Variants in HPS3 observed in about 807,000 individuals in gnomAD.
HPS3 encodes HPS3 biogenesis of lysosomal organelles complex 2 subunit 1.
Under a neutral mutation model 110.9 loss-of-function variants are expected in HPS3, and 79 were observed. That is an observed-to-expected ratio of 0.71 (90% CI 0.59 to 0.86). The LOEUF is 0.86. HPS3 is among the 40% of genes least tolerant of loss of function. The probability of loss-of-function intolerance (pLI) is 0.00; values close to 1 mark genes in which losing one functional copy is unlikely to be tolerated. For synonymous variants in HPS3, 428 were observed against 451.0 expected (o/e 0.95, Z 0.65); for missense variants, 1,197 against 1,206.2 (o/e 0.99, Z 0.11).
In HPS3 at chr3:149,167,142, C is replaced by T. The variant is rs751160941; in HGVS notation, c.2698C>T (p.Arg900Cys). 1.7e-5 allele frequency: 27 copies of T among 1,613,696 alleles called. No homozygotes were observed. The highest frequency in any genetic ancestry group is 4.5e-5 in the East Asian group (2 of 44,888). ...GLSVHVLCRT[R>C]LKEYEQCIDI... ...CAGTGTCCATGTTCTGTGTCGTACACGCTTGAAAGAGTATGAACAGTGCAT... is the reference window on the plus strand; with the variant it reads ...CAGTGTCCATGTTCTGTGTCGTACATGCTTGAAAGAGTATGAACAGTGCAT... Residue 900 changes from arginine (R) to cysteine (C), a missense_variant, in exon 15 of 17, where the codon CGC becomes TGC. Coordinates refer to ENST00000296051, the MANE Select transcript of HPS3 (RefSeq NM_032383.5).
At chr3:149,137,897 G>A (rs146617476) in intron 1 of HPS3, among the ~76,000 whole-genome samples, 12 of 152,246 alleles carry the variant, frequency 7.9e-5, no homozygotes, top group African/African-American at 2.6e-4. Flanking sequence ...TGGTAGTGAT[G>A]GTTGCATAGC....
rs1722735205 is a variant in HPS3 at position 149,145,449 on chromosome 3, A to G, written c.1066A>G (p.Met356Val). The change falls in exon 5 of 17, where the codon ATG (methionine) becomes GTG (valine). Residue 356 changes from methionine to valine, a missense_variant. Physicochemically the swap from Met to Val is conservative, Grantham distance 21 (BLOSUM62 1). Transcript: ENST00000296051. ...FSLPHVGYLY[M>V]VVKSVELMSV... ...CTTACCTCATGTGGGCTATCTCTAC[A>G]TGGTTGTCAAATCTGTTGAATTGAT... 3 of 1,613,996 alleles carry G rather than the reference A, an allele frequency of 1.9e-6. No homozygotes were observed. Among genetic ancestry groups the G allele is most frequent in the Non-Finnish European group, 2.5e-6 (3 of 1,179,920 alleles).
At position 149,162,855 on chromosome 3, in the gene HPS3, C is replaced by G; in HGVS notation, c.2458C>G (p.Pro820Ala). The G allele has an allele frequency of 6.2e-7, 1 of 1,613,732 alleles. No homozygotes were observed. The highest frequency in any genetic ancestry group is 8.5e-7 in the Non-Finnish European group (1 of 1,179,714). The change falls in exon 13 of 17, where the codon CCA (proline) becomes GCA (alanine). Residue 820 changes from proline to alanine, a missense_variant. Physicochemically the swap from Pro to Ala is conservative, Grantham distance 27. Transcript: ENST00000296051. ...LSKRQPPDTT[P>A]LRTSEDLINA... ...TAAGAGGCAGCCTCCTGACACCACA[C>G]CATTGCGAACATCGGAGGATCTGGT...
At chr3:149,141,213 T>TTTTTTTA in intron 3 of HPS3, 25 bp downstream of exon 3, 3 of 1,591,358 alleles carry the variant, frequency 1.9e-6, no homozygotes, top group Admixed American at 1.7e-5. Flanking sequence ...TTTTTTTTTT[T>TTTTTTTA]ACCAGCATTT....
intron 16 of HPS3, among the ~76,000 whole-genome samples, chr3:149,169,031 G>T (rs1249147186): frequency 6.7e-6 from 1 of 149,884 alleles, no homozygotes; most frequent in Non-Finnish European, 1.5e-5. Flanking sequence ...ATATATTTGT[G>T]TGCATACGTG....
intron 5 of HPS3, among the ~76,000 whole-genome samples, chr3:149,149,812 G>A (rs11918503): frequency 0.023 from 3,526 of 152,226 alleles, 150 homozygotes; most frequent in African/African-American, 0.08. Flanking sequence ...TGTTTTTAAT[G>A]TCAATATTCG....
chr3:149,147,019 C>T (rs537132007), intron 5 of HPS3, among the ~76,000 whole-genome samples: 3 of 151,716 alleles, frequency 2.0e-5, no homozygotes, highest in Non-Finnish European at 1.5e-5. Flanking sequence ...TATTAAGGGG[C>T]GGTATTCAGG....
Position 149,162,318 on chromosome 3 carries a change from A to T in HPS3, c.2277A>T (p.Ala759=), listed in dbSNP as rs763334623. Reference sequence around the variant, plus strand: ...ACAACAAAATTGGAATTGAAGAAGCAGATTCCTTTTTTAAGGTTTGTCACT... The same window carrying T: ...ACAACAAAATTGGAATTGAAGAAGCTGATTCCTTTTTTAAGGTTTGTCACT... ...QKNNKIGIEE[A]DSFFKVLCAK... The change falls in exon 12 of 17, where the codon GCA becomes GCT. Residue 759 remains alanine, a synonymous_variant. Coordinates refer to ENST00000296051, the MANE Select transcript of HPS3 (RefSeq NM_032383.5). 1.2e-6 allele frequency: 2 copies of T among 1,613,880 alleles called. No homozygotes were observed. Among genetic ancestry groups the T allele is most frequent in the East Asian group, 4.5e-5 (2 of 44,890 alleles).
chr3:149,141,531 G>GTTTTTTT (rs10718838), intron 4 of HPS3, 151 bp downstream of exon 4: 12 of 382,622 alleles, frequency 3.1e-5, no homozygotes, highest in African/African-American at 5.1e-5. Context: ...TTTTTTTTTT[G>GTTTTTTT]TTTTTTTTTT....
Position 149,172,092 on chromosome 3 carries a change from CA to C in HPS3, c.2888-2del. The C allele has an allele frequency of 6.2e-7, 1 of 1,612,520 alleles. No individual in the cohort carries two copies. Among genetic ancestry groups the C allele is most frequent in the Non-Finnish European group, 8.5e-7 (1 of 1,178,886 alleles). ...TCTAATTCAGATATTCTTTTCTACA[CA>C]GAAACATTGTCAATTGTTGCTGTGG... is the stretch of plus-strand genomic sequence containing the variant. On this transcript the variant is annotated splice_acceptor_variant, in intron 16 of 16. Transcript: ENST00000296051. LOFTEE classifies it high-confidence loss of function.
intron 1 of HPS3, among the ~76,000 whole-genome samples, chr3:149,137,981 C>T (rs753036749): frequency 1.2e-4 from 18 of 151,828 alleles, no homozygotes; most frequent in African/African-American, 3.9e-4. Flanking sequence ...TTGTGTGTAT[C>T]GTACTACAAT....
Position 149,145,370 on chromosome 3 carries a change from T to A in HPS3, c.987T>A (p.Asp329Glu). Residue 329 changes from aspartate to glutamate, a missense_variant, in exon 5 of 17, where the codon GAT becomes GAA. Transcript: ENST00000296051. The part of the protein sequence containing the change: ...PIYQTGSLTS[D>E]GKNLSQEKEL... ...TGCATGCAGGTTCTCTTACATCTGA[T>A]GGAAAAAATTTGTCTCAGGAAAAAG... The A allele has an allele frequency of 6.2e-7, 1 of 1,613,580 alleles. No individual in the cohort carries two copies. Among genetic ancestry groups the A allele is most frequent in the Non-Finnish European group, 8.5e-7 (1 of 1,179,588 alleles).
intron 1 of HPS3, 154 bp downstream of exon 1, chr3:149,130,094 C>T: frequency 1.4e-6 from 1 of 703,150 alleles, no homozygotes; most frequent in East Asian, 2.7e-5. Flanking sequence ...CCGCTGATTG[C>T]TTGAAGTCGC....
chr3:149,130,788 T>G (rs1298232903), intron 1 of HPS3, among the ~76,000 whole-genome samples: 1 of 152,120 alleles, frequency 6.6e-6, no homozygotes, highest in Non-Finnish European at 1.5e-5. Flanking sequence ...CAAACAGTTG[T>G]AAGAGCAGCC....
intron 8 of HPS3, among the ~76,000 whole-genome samples, chr3:149,156,758 G>T: frequency 6.6e-6 from 1 of 151,952 alleles, no homozygotes; most frequent in Non-Finnish European, 1.5e-5. Context: ...ATAATTTAAT[G>T]CCAATTATTA....
At chr3:149,170,375 A>G (rs910732053) in intron 16 of HPS3, 2 of 152,214 alleles carry the variant, frequency 1.3e-5, no homozygotes, top group African/African-American at 4.8e-5. Flanking sequence ...GAAAACATCA[A>G]TAATTCATAT....
At chr3:149,168,050 T>C in intron 16 of HPS3, 67 bp downstream of exon 16, 1 of 946,700 alleles carries the variant, frequency 1.1e-6, no homozygotes, top group Non-Finnish European at 1.7e-6. Context: ...TGAAGCCTTC[T>C]TAAGTATTTT....
intron 1 of HPS3, among the ~76,000 whole-genome samples, chr3:149,130,947 G>A (rs35859668): frequency 6.6e-6 from 1 of 152,038 alleles, no homozygotes; most frequent in East Asian, 1.9e-4. Flanking sequence ...ACTTACCTTC[G>A]ATTCATACTT....
chr3:149,132,288 G>C (rs1438255476), intron 1 of HPS3, among the ~76,000 whole-genome samples: 1 of 152,194 alleles, frequency 6.6e-6, no homozygotes, highest in Non-Finnish European at 1.5e-5. Context: ...ATAATGCCTG[G>C]CTTCAAAGAA....
Sources: allele counts gnomAD v4.1 joint callset (sites outside exome capture counted in the v4.1 genomes callset), GRCh38; gene constraint gnomAD v4.1.1; transcripts MANE v1.5; gene names NCBI Gene and HGNC (gene_info 2026-07-23, HGNC 2026-07-21).